The following OTOGL variants were observed in gnomAD, a reference collection of about 807,000 sequenced individuals.
OTOGL encodes otogelin-like protein.
Under a neutral mutation model 318.5 loss-of-function variants are expected in OTOGL, and 285 were observed. The observed-to-expected ratio is 0.89, with a 90% confidence interval of 0.81 to 0.99. The LOEUF is 0.99. OTOGL is among the 50% of genes least tolerant of loss of function. The pLI is 0.00. For synonymous variants in OTOGL, 987 were observed against 936.5 expected (o/e 1.05, Z -0.99); for missense variants, 2,899 against 2,845.6 (o/e 1.02, Z -0.43).
intron 1 of OTOGL, among the ~76,000 whole-genome samples, chr12:80,173,937 A>G (rs1226126300): frequency 6.6e-6 from 1 of 152,206 alleles, no homozygotes; most frequent in Non-Finnish European, 1.5e-5. Flanking sequence ...GAGTTCTGAC[A>G]GAAGGTGTTA....
intron 26 of OTOGL, among the ~76,000 whole-genome samples, chr12:80,290,683 T>C (rs923460871): frequency 2.2e-4 from 33 of 152,172 alleles, no homozygotes; most frequent in African/African-American, 7.2e-4. Context: ...GAAAAAATAT[T>C]TGCACATTTC....
chr12:80,336,491 A>G lies in OTOGL; in HGVS notation c.4679A>G (p.Tyr1560Cys), dbSNP rs2137913941. The G allele has an allele frequency of 1.2e-6, 2 of 1,609,024 alleles. No individual in the cohort carries two copies. Among genetic ancestry groups the G allele is most frequent in the Non-Finnish European group, 1.7e-6 (2 of 1,175,888 alleles). The change falls in exon 40 of 59, where the codon TAT becomes TGT. Residue 1560 changes from tyrosine to cysteine, a missense_variant. By Grantham distance (194) the Tyr-to-Cys change is radical. This residue lies in a region of OTOGL where 2,607 missense variants were observed against 2,524.9 expected (regional missense o/e 1.03). Coordinates refer to ENST00000547103, the MANE Select transcript of OTOGL (RefSeq NM_001378609.3). ...NNAALYSMAS[Y>C]ILVRIPGEII... ...GCAGCATTATATAGCATGGCTTCTT[A>G]TATCTTAGTAAGAATTCCTGGTGAA...
chr12:80,107,758 AC>A (rs1869541899), intron 1 of OTOGL, among the ~76,000 whole-genome samples: 1 of 152,204 alleles, frequency 6.6e-6, no homozygotes, highest in Non-Finnish European at 1.5e-5. Flanking sequence ...ACCATGGAAT[AC>A]TACATAGCCA....
At chr12:80,345,729 G>T (rs530408348) in intron 44 of OTOGL, among the ~76,000 whole-genome samples, 1 of 152,172 alleles carries the variant, frequency 6.6e-6, no homozygotes, top group South Asian at 2.1e-4. Flanking sequence ...AAAAGTTTGA[G>T]AATAAGATAG....
chr12:80,190,104 G>T (rs1875566835), intron 1 of OTOGL, among the ~76,000 whole-genome samples: 1 of 152,140 alleles, frequency 6.6e-6, no homozygotes, highest in South Asian at 2.1e-4. Context: ...TAGTTTTTAT[G>T]ATTTATTTTG....
intron 1 of OTOGL, among the ~76,000 whole-genome samples, chr12:80,114,466 T>G (rs1466368530): frequency 1.3e-5 from 2 of 152,228 alleles, no homozygotes; most frequent in Non-Finnish European, 2.9e-5. Flanking sequence ...CTTGTAGGGT[T>G]TCTGCCAAGA....
chr12:80,265,019 G>A lies in OTOGL; in HGVS notation c.2033G>A (p.Cys678Tyr). The stretch of plus-strand genomic sequence containing the variant: ...TTGTTAGTTGGGTATGCAGCACACT[G>A]TGATGTCATCCACCAGGAGCTCTTT... Reference protein sequence around the residue: ...NQQNIGYAAHCDVIHQELFAP... With the variant: ...NQQNIGYAAHYDVIHQELFAP... Residue 678 changes from cysteine (C) to tyrosine (Y), a missense_variant, in exon 20 of 59, where the codon TGT (cysteine) becomes TAT (tyrosine). By Grantham distance (194) the Cys-to-Tyr change is radical. Around this residue, in one of 3 missense-constraint regions of OTOGL, gnomAD observed 2,607 missense variants for 2,524.9 expected, o/e 1.03. Transcript: ENST00000547103. 6.2e-7 allele frequency: 1 copy of A among 1,613,870 alleles called. No individual in the cohort carries two copies. The highest frequency in any genetic ancestry group is 8.5e-7 in the Non-Finnish European group (1 of 1,179,830).
At chr12:80,249,885 C>T (rs1002040277) in intron 11 of OTOGL, among the ~76,000 whole-genome samples, 28 of 152,076 alleles carry the variant, frequency 1.8e-4, no homozygotes, top group African/African-American at 6.3e-4. Flanking sequence ...TTTTTTAAGC[C>T]GGTCTGAAAT....
chr12:80,332,904 A>G, intron 37 of OTOGL, 101 bp from the exon 38 acceptor site: 1 of 909,186 alleles, frequency 1.1e-6, no homozygotes, highest in Non-Finnish European at 1.7e-6. Context: ...AATATGTGAA[A>G]TAATCTATAC....
intron 1 of OTOGL, among the ~76,000 whole-genome samples, chr12:80,196,894 G>T (rs1565896114): frequency 6.6e-6 from 1 of 152,134 alleles, no homozygotes; most frequent in Non-Finnish European, 1.5e-5. Flanking sequence ...AGGGGAAGGG[G>T]GTGGTCGGAC....
At chr12:80,207,622 CTG>C (rs1876912058) in intron 1 of OTOGL, among the ~76,000 whole-genome samples, 1 of 152,098 alleles carries the variant, frequency 6.6e-6, no homozygotes, top group Non-Finnish European at 1.5e-5. Context: ...ATATGGGAAA[CTG>C]TGAAGGCAAG....
chr12:80,312,960 G>A (rs1886730577), intron 30 of OTOGL, among the ~76,000 whole-genome samples: 1 of 151,936 alleles, frequency 6.6e-6, no homozygotes, highest in African/African-American at 2.4e-5. Context: ...CTTTTTTAAT[G>A]CACTGTCAAT....
intron 29 of OTOGL, among the ~76,000 whole-genome samples, chr12:80,307,339 G>A (rs9705976): frequency 6.7e-6 from 1 of 150,216 alleles, no homozygotes; most frequent in African/African-American, 2.4e-5. Flanking sequence ...TCCCAGACGG[G>A]GTGGTGGCCG....
In OTOGL at chr12:80,253,564, T is replaced by C. The variant is rs759814009; in HGVS notation, c.1384T>C (p.Cys462Arg). Residue 462 changes from cysteine (C) to arginine (R), a missense_variant, in exon 14 of 59, where the codon TGT (cysteine) becomes CGT (arginine). Around this residue, in one of 3 missense-constraint regions of OTOGL, gnomAD observed 2,607 missense variants for 2,524.9 expected, o/e 1.03. Transcript: ENST00000547103. ...AGTTGGTTCAAAAATTGAACAAGAA[T>C]GTACTGAATGGTATGTGATCAGTGT... is the stretch of plus-strand genomic sequence containing the variant. ...YSVGSKIEQE[C>R]TECVCVGGVW... 1.0e-5 allele frequency: 16 copies of C among 1,606,302 alleles called. No individual in the cohort carries two copies. In the South Asian group the frequency reaches 1.8e-4, roughly 18 times the overall value.
Position 80,278,210 on chromosome 12 carries a change from C to A in OTOGL, c.2724C>A (p.Cys908Ter), listed in dbSNP as rs993092764. The change falls in exon 25 of 59, where the codon TGC becomes TGA. Residue 908 changes from cysteine to a stop codon, truncating the protein, a stop_gained. Transcript: ENST00000547103. LOFTEE classifies it high-confidence loss of function. Reference protein sequence around the residue: ...HRGKCYVPESCPCIWKDWEYL... With the variant: ...HRGKCYVPES ...GAAAGTGTTATGTTCCTGAAAGCTG[C>A]CCATGTATTTGGAAAGATTGGGAGT... The A allele has an allele frequency of 2.6e-6, 4 of 1,546,976 alleles. No individual in the cohort carries two copies. In the South Asian group the frequency reaches 3.6e-5, roughly 14 times the overall value.
chr12:80,323,986 G>T, intron 35 of OTOGL, 146 bp downstream of exon 35: 1 of 671,036 alleles, frequency 1.5e-6, no homozygotes, highest in Non-Finnish European at 2.5e-6. Flanking sequence ...CTTAAATCAA[G>T]AAGTAGTTAT....
Position 80,302,802 on chromosome 12 carries a change from C to A in OTOGL, c.3213+19C>A. 1 of 1,435,606 alleles carries A rather than the reference C, an allele frequency of 7.0e-7. No individual in the cohort carries two copies. Among genetic ancestry groups the A allele is most frequent in the Non-Finnish European group, 9.2e-7 (1 of 1,092,280 alleles). 88.9% of individuals were successfully genotyped at this position (1,435,606 alleles called of 1,614,324 possible). A position where few individuals can be genotyped will look rare whatever the true frequency, so the allele number is the denominator to read the frequency against. ...GTGGAAGGTAGGTCAACCTAAGCTC[C>A]AAATGAGATGTAATGAATAAAATCA... On this transcript the variant is annotated intron_variant, in intron 28 of 58. Coordinates refer to ENST00000547103, the MANE Select transcript of OTOGL (RefSeq NM_001378609.3).
At chr12:80,158,227 G>A (rs148291231) in intron 1 of OTOGL, among the ~76,000 whole-genome samples, 6 of 152,110 alleles carry the variant, frequency 3.9e-5, no homozygotes, top group African/African-American at 1.4e-4. Flanking sequence ...CTGACATGAA[G>A]CTATTTATAA....
intron 11 of OTOGL, among the ~76,000 whole-genome samples, chr12:80,250,282 T>C (rs966765304): frequency 6.6e-6 from 1 of 152,194 alleles, no homozygotes; most frequent in African/African-American, 2.4e-5. Context: ...TAGTAAATTA[T>C]AATTTTTTTC....
Sources: allele counts gnomAD v4.1 joint callset (sites outside exome capture counted in the v4.1 genomes callset), GRCh38; gene constraint gnomAD v4.1.1; regional missense constraint gnomAD v4.1.1; transcripts MANE v1.5; gene names NCBI Gene and HGNC (gene_info 2026-07-23, HGNC 2026-07-21).